Variants in SSU72 observed in about 807,000 individuals in gnomAD.
SSU72 encodes the protein SSU72 homolog, RNA polymerase II CTD phosphatase.
In SSU72, 12 loss-of-function variants were observed where a neutral mutation model predicts 22.7. The ratio of observed to expected loss-of-function variants is 0.53; its 90% confidence interval spans 0.34 to 0.86. The LOEUF (loss-of-function observed/expected upper bound fraction) is 0.86, where lower values mean the gene tolerates loss of function less well. SSU72 is among the 40% of genes least tolerant of loss of function. The pLI, the probability that SSU72 is intolerant of heterozygous loss-of-function variation, is 0.02. For synonymous variants in SSU72, 116 were observed against 98.3 expected (o/e 1.18, Z -1.06); for missense variants, 151 against 249.8 (o/e 0.60, Z 2.67).
intron 2 of SSU72, chr1:1,562,152 C>A (rs757868215): frequency 6.6e-6 from 1 of 152,242 alleles, no homozygotes; most frequent in Non-Finnish European, 1.5e-5. Flanking sequence ...CCTTGCAGAA[C>A]GTGGCAAGTA....
Position 1,574,667 on chromosome 1 carries a change from C to G in SSU72, c.-110G>C. ...GTGGCCGGAAGCGGGCGACGCGAAA[C>G]GACGGCGCCGGCGGTGTAGCGTGCG... is the stretch of plus-strand genomic sequence containing the variant. On this transcript the variant is annotated 5_prime_UTR_variant, in exon 1 of 5. Transcript: ENST00000291386. 1.8e-6 allele frequency: 2 copies of G among 1,138,790 alleles called. No homozygotes were observed. The highest frequency in any genetic ancestry group is 2.4e-6 in the Non-Finnish European group (2 of 831,672). The allele number at this position is 1,138,790 out of a possible 1,614,324, so 70.5% of individuals were successfully genotyped here.
At position 1,542,954 on chromosome 1, in the gene SSU72, G is replaced by A. The variant is rs936116205; in HGVS notation, c.484-787C>T. 2.6e-5 allele frequency among the ~76,000 whole-genome samples: 4 copies of A among 152,182 alleles called. No individual in the cohort carries two copies. The highest frequency in any genetic ancestry group is 1.9e-4 in the East Asian group (1 of 5,192). ...CGGCCACACAGCAGCTTCTCCCAGC[G>A]CCCGCCCGCCTGGCTCCCGGGCTTT... is the stretch of plus-strand genomic sequence containing the variant. On this transcript the variant is annotated intron_variant, in intron 4 of 4. Coordinates refer to ENST00000291386, the MANE Select transcript of SSU72 (RefSeq NM_014188.3). This position sits in a 1 kb window ranked among gnomAD's most constrained non-coding sequence, Gnocchi z 4.4.
At chr1:1,556,152 G>T (rs1642517539) in intron 2 of SSU72, among the ~76,000 whole-genome samples, 1 of 152,062 alleles carries the variant, frequency 6.6e-6, no homozygotes, top group Non-Finnish European at 1.5e-5. Flanking sequence ...ACAAAGTTTG[G>T]CCAGGCACGG....
chr1:1,574,777 C>T lies in SSU72; in HGVS notation c.-220G>A, dbSNP rs1642791210. 1 of 243,702 alleles carries T rather than the reference C, an allele frequency of 4.1e-6. No individual in the cohort carries two copies. Among genetic ancestry groups the T allele is most frequent in the Non-Finnish European group, 7.7e-6 (1 of 129,108 alleles). 15.1% of individuals were successfully genotyped at this position (243,702 alleles called of 1,614,324 possible). ...CACTGGCCTTCGGGCGCGCTGCACT[C>T]GGCGAGGCCGGGGGCGGCCAACGCC... On this transcript the variant is annotated 5_prime_UTR_variant, in exon 1 of 5. Transcript: ENST00000291386.
At chr1:1,569,998 TA>T (rs1309529746) in intron 1 of SSU72, among the ~76,000 whole-genome samples, 4 of 152,124 alleles carry the variant, frequency 2.6e-5, no homozygotes, top group African/African-American at 9.7e-5. Context: ...TTTTAACGCC[TA>T]AAAGACTCTC....
chr1:1,550,859 C>T (rs948265741), intron 2 of SSU72, among the ~76,000 whole-genome samples: 14 of 152,206 alleles, frequency 9.2e-5, no homozygotes, highest in African/African-American at 2.9e-4. Flanking sequence ...ACCCACCACA[C>T]GCCCCTCCCT....
chr1:1,557,432 T>A (rs934761543), intron 2 of SSU72, among the ~76,000 whole-genome samples: 4 of 151,348 alleles, frequency 2.6e-5, no homozygotes, highest in Admixed American at 6.6e-5. Context: ...AATAAATAAA[T>A]AAATAAATAA....
At chr1:1,571,420 G>A (rs1642730090) in intron 1 of SSU72, among the ~76,000 whole-genome samples, 2 of 139,424 alleles carry the variant, frequency 1.4e-5, no homozygotes, top group Non-Finnish European at 3.0e-5. Flanking sequence ...GACAGAGGGA[G>A]ACTCCGACTT....
chr1:1,556,207 T>C (rs1012520366), intron 2 of SSU72, among the ~76,000 whole-genome samples: 15 of 152,074 alleles, frequency 9.9e-5, no homozygotes, highest in African/African-American at 3.4e-4. Flanking sequence ...CCAAGGCGGG[T>C]GGATCACAAG....
At chr1:1,565,565 A>T (rs1216504041) in intron 1 of SSU72, among the ~76,000 whole-genome samples, 1 of 152,272 alleles carries the variant, frequency 6.6e-6, no homozygotes, top group African/African-American at 2.4e-5. Flanking sequence ...GGACTCACAA[A>T]GGTCCAACTG....
At chr1:1,547,762 C>A (rs747847917) in intron 2 of SSU72, among the ~76,000 whole-genome samples, 6 of 152,190 alleles carry the variant, frequency 3.9e-5, no homozygotes, top group Non-Finnish European at 8.8e-5. Context: ...GGCCTGCGTG[C>A]GAGAGCCTGC....
chr1:1,571,961 AT>A (rs1270371125), intron 1 of SSU72, among the ~76,000 whole-genome samples: 1 of 150,896 alleles, frequency 6.6e-6, no homozygotes, highest in Non-Finnish European at 1.5e-5. Flanking sequence ...TGCCGGGGTC[AT>A]TTTTTTGTAT....
At chr1:1,545,131 G>C in intron 2 of SSU72, 129 bp from the exon 3 acceptor site, 2 of 1,111,278 alleles carry the variant, frequency 1.8e-6, no homozygotes, top group South Asian at 2.9e-5. Flanking sequence ...GGCCTGGACA[G>C]CGGAGTGGGC....
chr1:1,544,709 CCCTG>C (rs1557494554), intron 3 of SSU72, 150 bp downstream of exon 3: 2 of 1,024,316 alleles, frequency 2.0e-6, no homozygotes, highest in Non-Finnish European at 3.0e-6. Context: ...CGACCAGCGG[CCCTG>C]CCTGCCTTCC....
At chr1:1,571,050 T>A (rs1642724012) in intron 1 of SSU72, among the ~76,000 whole-genome samples, 1 of 151,722 alleles carries the variant, frequency 6.6e-6, no homozygotes, top group African/African-American at 2.4e-5. Flanking sequence ...ATCGAGGCCA[T>A]CTGGCCAACA....
Position 1,542,236 on chromosome 1 carries a change from C to A in SSU72, c.484-69G>T. On this transcript the variant is annotated intron_variant, in intron 4 of 4. Transcript: ENST00000291386. The surrounding 1 kb of genome is among the most constrained non-coding windows in gnomAD (Gnocchi z 4.4). ...TGTCTGCTCCCCCTAACACCTGGATCGCCAGGGAAACGCCAGGCCTGAGCC... is the reference window on the plus strand; with the variant it reads ...TGTCTGCTCCCCCTAACACCTGGATAGCCAGGGAAACGCCAGGCCTGAGCC... The A allele has an allele frequency of 6.8e-7, 1 of 1,462,616 alleles. No individual in the cohort carries two copies. 90.6% of individuals were successfully genotyped at this position (1,462,616 alleles called of 1,614,324 possible).
intron 2 of SSU72, among the ~76,000 whole-genome samples, chr1:1,555,986 C>A (rs1476732659): frequency 6.6e-6 from 1 of 152,106 alleles, no homozygotes; most frequent in Non-Finnish European, 1.5e-5. Flanking sequence ...CAGAGCGAGA[C>A]CGTCTCGAAA....
intron 2 of SSU72, 22 bp downstream of exon 2, chr1:1,564,751 A>T: frequency 6.2e-7 from 1 of 1,614,206 alleles, no homozygotes; most frequent in South Asian, 1.1e-5. Context: ...GGGGGTTTTT[A>T]AAGGGCAACC....
Position 1,542,074 on chromosome 1 carries a change from A to G in SSU72, c.577T>C (p.Phe193Leu), listed in dbSNP as rs1276378349. Residue 193 changes from phenylalanine to leucine, a missense_variant, in exon 5 of 5, where the codon TTC becomes CTC. Physicochemically the swap from Phe to Leu is conservative, Grantham distance 22 (BLOSUM62 0). Coordinates refer to ENST00000291386, the MANE Select transcript of SSU72 (RefSeq NM_014188.3). This position sits in a 1 kb window ranked among gnomAD's most constrained non-coding sequence, Gnocchi z 4.4. ...SGRTFLHTVCFY is the reference protein window; with the variant it reads ...SGRTFLHTVCLY ...CCATGCGGGCGCTGGGCTCAGTAGA[A>G]GCAGACGGTGTGCAGAAAGGTGCGG... The G allele has an allele frequency of 6.3e-7, 1 of 1,580,902 alleles. No homozygotes were observed. Among genetic ancestry groups the G allele is most frequent in the East Asian group, 2.3e-5 (1 of 43,650 alleles).
Sources: allele counts gnomAD v4.1 joint callset (sites outside exome capture counted in the v4.1 genomes callset), GRCh38; gene constraint gnomAD v4.1.1; non-coding constraint Gnocchi (gnomAD v3.1); transcripts MANE v1.5; gene names NCBI Gene and HGNC (gene_info 2026-07-23, HGNC 2026-07-21).